The following RBFOX1 variants were observed in gnomAD, a reference collection of about 807,000 sequenced individuals.
RBFOX1 encodes RNA binding fox-1 homolog 1.
In RBFOX1, 8 loss-of-function variants were observed where a neutral mutation model predicts 57.7. That is an observed-to-expected ratio of 0.14 (90% CI 0.08 to 0.25). RBFOX1 has a LOEUF of 0.25. Among genes scored for constraint, RBFOX1 ranks in the 10% least tolerant of loss-of-function variants. The pLI, the probability that RBFOX1 is intolerant of heterozygous loss-of-function variation, is 1.00. For synonymous variants in RBFOX1, 326 were observed against 222.4 expected (o/e 1.47, Z -4.15); for missense variants, 611 against 548.5 (o/e 1.11, Z -1.14).
chr16:7,150,601 A>G (rs919040817), intron 4 of RBFOX1, among the ~76,000 whole-genome samples: 2 of 152,182 alleles, frequency 1.3e-5, no homozygotes, highest in Non-Finnish European at 2.9e-5. Context: ...CTTTCAGGAT[A>G]TTTTCTTCTC....
intron 9 of RBFOX1, among the ~76,000 whole-genome samples, chr16:7,597,906 G>A (rs927872361): frequency 4.6e-5 from 7 of 152,128 alleles, no homozygotes; most frequent in Admixed American, 2.0e-4. Context: ...ATTCCACAGG[G>A]TTAGCAGAAT....
rs1170051114 is a variant in RBFOX1, at chr16:7,557,619, C to CAAAAAAAAAAAAAAAAAAA, written c.271-22153_271-22135dup. ...TGGGAGACAAAGTTAGACTCTGTCT[C>CAAAAAAAAAAAAAAAAAAA]AAAAAAAAAAAAAAAAAAAAAAAGA... On this transcript the variant is annotated intron_variant, in intron 5 of 15. Coordinates refer to ENST00000550418, the MANE Select transcript of RBFOX1 (RefSeq NM_018723.4). 7.9e-4 allele frequency among the ~76,000 whole-genome samples: 32 copies of CAAAAAAAAAAAAAAAAAAA among 40,676 alleles called. 1 individual carries two copies. The highest frequency in any genetic ancestry group is 2.1e-3 in the South Asian group (2 of 972). The allele number at this position is 40,676 out of a possible 152,430, so 26.7% of individuals were successfully genotyped here.
chr16:5,398,567 CGTGTGT>C (rs141831881), intron 1 of RBFOX1, among the ~76,000 whole-genome samples: 6 of 148,888 alleles, frequency 4.0e-5, no homozygotes, highest in South Asian at 2.1e-4. Flanking sequence ...TGCATCTGTA[CGTGTGT>C]GTGTGTGTGT....
intron 2 of RBFOX1, among the ~76,000 whole-genome samples, chr16:6,651,505 A>G (rs1253527703): frequency 1.3e-5 from 2 of 152,154 alleles, no homozygotes; most frequent in African/African-American, 4.8e-5. Context: ...TTCTGTTAAA[A>G]TAGAAGTCAG....
At chr16:5,366,723 C>T in intron 1 of RBFOX1, 1 of 367,764 alleles carries the variant, frequency 2.7e-6, no homozygotes, top group Non-Finnish European at 5.2e-6. Context: ...TAAAAATTTT[C>T]CATCTTATTT....
intron 3 of RBFOX1, among the ~76,000 whole-genome samples, chr16:6,973,574 C>T (rs534021425): frequency 6.0e-4 from 92 of 152,106 alleles, no homozygotes; most frequent in African/African-American, 2.0e-3. Flanking sequence ...TTCTTTCTTC[C>T]CGAGGGGATT....
intron 3 of RBFOX1, among the ~76,000 whole-genome samples, chr16:6,941,300 C>CTCCTTCCT (rs57110590): frequency 0.061 from 4,808 of 78,978 alleles, 180 homozygotes; most frequent in Non-Finnish European, 0.075. Flanking sequence ...CCCTCCCTCC[C>CTCCTTCCT]TCCTTCCTTC....
At chr16:6,918,348 G>C (rs1026939624) in intron 3 of RBFOX1, among the ~76,000 whole-genome samples, 1 of 151,750 alleles carries the variant, frequency 6.6e-6, no homozygotes, top group African/African-American at 2.4e-5. Context: ...CAGACCACTG[G>C]GCTTGGTGCC....
intron 4 of RBFOX1, among the ~76,000 whole-genome samples, chr16:7,368,332 C>T (rs1456992671): frequency 6.6e-6 from 1 of 151,488 alleles, no homozygotes; most frequent in South Asian, 2.1e-4. Flanking sequence ...GATAGTCTAT[C>T]CATTTTGGGG....
At chr16:6,055,678 C>A (rs537386449) in intron 1 of RBFOX1, among the ~76,000 whole-genome samples, 2 of 147,924 alleles carry the variant, frequency 1.4e-5, no homozygotes, top group Non-Finnish European at 1.5e-5. Context: ...AGAAGCGAGA[C>A]AAAAAAAAGT....
intron 3 of RBFOX1, among the ~76,000 whole-genome samples, chr16:6,828,396 G>A (rs771110242): frequency 6.6e-6 from 1 of 151,910 alleles, no homozygotes; most frequent in Admixed American, 6.6e-5. Context: ...TGGTGACACA[G>A]GCCTTTAGAC....
intron 1 of RBFOX1, among the ~76,000 whole-genome samples, chr16:6,098,907 G>A (rs1187956834): frequency 6.6e-6 from 1 of 152,194 alleles, no homozygotes; most frequent in Admixed American, 6.5e-5. Context: ...CTTGGGTTGA[G>A]GGATGTGGCT....
chr16:6,494,402 T>A (rs951358236), intron 2 of RBFOX1, among the ~76,000 whole-genome samples: 2 of 152,178 alleles, frequency 1.3e-5, no homozygotes, highest in Non-Finnish European at 2.9e-5. Flanking sequence ...CCCCTGTCGA[T>A]CATGAATCTG....
chr16:6,880,713 G>C (rs1293373205), intron 3 of RBFOX1, among the ~76,000 whole-genome samples: 1 of 152,170 alleles, frequency 6.6e-6, no homozygotes, highest in Non-Finnish European at 1.5e-5. Flanking sequence ...GAGTCAGTTT[G>C]ACTTCTTGGA....
intron 4 of RBFOX1, among the ~76,000 whole-genome samples, chr16:7,284,668 G>A (rs1267963828): frequency 6.6e-6 from 1 of 152,182 alleles, no homozygotes; most frequent in Non-Finnish European, 1.5e-5. Flanking sequence ...AAGAGAGGCA[G>A]AGGACAGAGT....
chr16:7,065,258 G>GA (rs2055677738), intron 4 of RBFOX1, among the ~76,000 whole-genome samples: 1 of 151,866 alleles, frequency 6.6e-6, no homozygotes, highest in African/African-American at 2.4e-5. Context: ...TTCTTGTAGC[G>GA]AAGGTAGAAG....
At chr16:7,615,273 C>T (rs1196870406) in intron 10 of RBFOX1, among the ~76,000 whole-genome samples, 1 of 152,058 alleles carries the variant, frequency 6.6e-6, no homozygotes, top group African/African-American at 2.4e-5. Flanking sequence ...GCGGAGCTTG[C>T]AGTGAGCTGA....
chr16:6,868,243 G>T (rs961754077), intron 3 of RBFOX1, among the ~76,000 whole-genome samples: 1 of 152,056 alleles, frequency 6.6e-6, no homozygotes, highest in Non-Finnish European at 1.5e-5. Context: ...ATACTTCGTG[G>T]TCTGCAGCAG....
At chr16:5,263,349 G>A (rs1049394882) in intron 1 of RBFOX1, among the ~76,000 whole-genome samples, 11 of 152,096 alleles carry the variant, frequency 7.2e-5, no homozygotes, top group Non-Finnish European at 1.0e-4. Flanking sequence ...AACCTAATGC[G>A]ATGCAAACTT....
Sources: gnomAD v4.1 joint callset for allele counts (sites outside exome capture counted in the v4.1 genomes callset) on GRCh38, gnomAD v4.1.1 for gene constraint, MANE v1.5 for transcripts, NCBI Gene and HGNC (gene_info 2026-07-23, HGNC 2026-07-21) for gene names.